Variants in NRF1 observed in about 807,000 individuals in gnomAD.
NRF1 encodes nuclear respiratory factor 1, also known as alpha palindromic-binding protein.
Under a neutral mutation model 58.5 loss-of-function variants are expected in NRF1, and 5 were observed. The observed-to-expected ratio is 0.09, with a 90% CI of 0.04 to 0.18. The LOEUF is 0.18. Among genes scored for constraint, NRF1 ranks in the 10% least tolerant of loss-of-function variants. The probability of loss-of-function intolerance (pLI) is 1.00; values close to 1 mark genes in which losing one functional copy is unlikely to be tolerated. For synonymous variants in NRF1, 224 were observed against 246.7 expected (o/e 0.91, Z 0.86); for missense variants, 288 against 657.7 (o/e 0.44, Z 6.15).
At chr7:129,700,622 A>G (rs114926569) in intron 5 of NRF1, among the ~76,000 whole-genome samples, 1,847 of 152,354 alleles carry the variant, frequency 0.012, 44 homozygotes, top group African/African-American at 0.042. Context: ...AATGAAATTA[A>G]GAGAATATAT....
chr7:129,691,305 A>C (rs984584626), intron 5 of NRF1, among the ~76,000 whole-genome samples: 5 of 151,690 alleles, frequency 3.3e-5, no homozygotes, highest in Non-Finnish European at 7.4e-5. Context: ...AGCTTCATCA[A>C]AATCAAACAC....
chr7:129,621,427 A>G (rs985420528), intron 1 of NRF1, among the ~76,000 whole-genome samples: 1 of 152,250 alleles, frequency 6.6e-6, no homozygotes, highest in African/African-American at 2.4e-5. Flanking sequence ...CTTTACATTC[A>G]GTAAATCTCC....
chr7:129,710,754 C>G (rs1803054138), intron 7 of NRF1, among the ~76,000 whole-genome samples, 183 bp downstream of exon 7: 1 of 152,132 alleles, frequency 6.6e-6, no homozygotes, highest in Non-Finnish European at 1.5e-5. Flanking sequence ...TTGCTAAATA[C>G]AGAGCTATGA....
intron 1 of NRF1, among the ~76,000 whole-genome samples, chr7:129,619,169 G>A (rs1397611498): frequency 6.6e-6 from 1 of 151,590 alleles, no homozygotes; most frequent in Non-Finnish European, 1.5e-5. Context: ...AGAAAGAATG[G>A]CTAAACAGAT....
At chr7:129,637,243 G>C (rs1384515369) in intron 1 of NRF1, among the ~76,000 whole-genome samples, 1 of 147,846 alleles carries the variant, frequency 6.8e-6, no homozygotes, top group African/African-American at 2.5e-5. Context: ...TTAAAGAAAA[G>C]GCTCTGCTGA....
intron 10 of NRF1, among the ~76,000 whole-genome samples, chr7:129,752,898 C>T (rs1804155454): frequency 6.6e-6 from 1 of 152,134 alleles, no homozygotes; most frequent in East Asian, 1.9e-4. Context: ...TGGCCTCTCT[C>T]CTCCTCCTTT....
intron 2 of NRF1, among the ~76,000 whole-genome samples, chr7:129,667,125 G>A (rs1322196847): frequency 1.3e-5 from 2 of 152,168 alleles, no homozygotes; most frequent in Admixed American, 6.5e-5. Flanking sequence ...GGGAATTGGA[G>A]GGCCAAAGAT....
intron 3 of NRF1, among the ~76,000 whole-genome samples, chr7:129,672,921 G>A (rs184009008): frequency 5.1e-4 from 77 of 152,278 alleles, no homozygotes; most frequent in Admixed American, 1.8e-3. Flanking sequence ...ACTGGATGAG[G>A]TCACTTAGGG....
intron 5 of NRF1, among the ~76,000 whole-genome samples, chr7:129,690,812 A>G (rs1802549214): frequency 6.6e-6 from 1 of 152,146 alleles, no homozygotes; most frequent in Non-Finnish European, 1.5e-5. Context: ...GGATTTAAAA[A>G]AAAACAAAAA....
chr7:129,740,291 A>G (rs1013874034), intron 10 of NRF1, among the ~76,000 whole-genome samples: 7 of 152,176 alleles, frequency 4.6e-5, no homozygotes, highest in African/African-American at 9.7e-5. Flanking sequence ...ACTGTTGACT[A>G]CCACTGCTAC....
chr7:129,730,937 A>G (rs1803562757), intron 10 of NRF1, among the ~76,000 whole-genome samples: 1 of 150,962 alleles, frequency 6.6e-6, no homozygotes, highest in African/African-American at 2.4e-5. Flanking sequence ...TGATCACACC[A>G]CTGCACTCCA....
intron 1 of NRF1, among the ~76,000 whole-genome samples, chr7:129,655,227 G>A (rs1023005943): frequency 1.3e-5 from 2 of 151,854 alleles, no homozygotes; most frequent in African/African-American, 4.8e-5. Context: ...AAATGTAAAT[G>A]GTATTGTGTT....
chr7:129,652,986 A>G (rs576459233), intron 1 of NRF1, among the ~76,000 whole-genome samples: 27 of 152,342 alleles, frequency 1.8e-4, no homozygotes, highest in South Asian at 1.0e-3. Flanking sequence ...ATTTACCATC[A>G]TAATCATTTT....
intron 1 of NRF1, among the ~76,000 whole-genome samples, chr7:129,617,871 C>G (rs1800689103): frequency 6.6e-6 from 1 of 152,090 alleles, no homozygotes; most frequent in East Asian, 1.9e-4. Flanking sequence ...CATCAGTAGT[C>G]TGATTTGAGA....
intron 2 of NRF1, among the ~76,000 whole-genome samples, chr7:129,659,228 G>A (rs188279542): frequency 2.4e-4 from 37 of 151,992 alleles, no homozygotes; most frequent in African/African-American, 8.0e-4. Context: ...ACAGGTGTGC[G>A]TCACCATGCC....
intron 10 of NRF1, among the ~76,000 whole-genome samples, chr7:129,737,165 C>T (rs920663579): frequency 3.7e-4 from 56 of 152,168 alleles, no homozygotes; most frequent in African/African-American, 1.3e-3. Context: ...AAGACGGATC[C>T]GAATGCTTGC....
chr7:129,667,901 T>G (rs1182464455), intron 2 of NRF1, among the ~76,000 whole-genome samples: 5 of 151,998 alleles, frequency 3.3e-5, no homozygotes, highest in African/African-American at 1.2e-4. Flanking sequence ...CCCAAGTAGC[T>G]GGGACCTCAG....
intron 1 of NRF1, among the ~76,000 whole-genome samples, chr7:129,633,185 A>T (rs1473962563): frequency 2.6e-5 from 4 of 152,222 alleles, no homozygotes; most frequent in Non-Finnish European, 5.9e-5. Context: ...GTATTACTGA[A>T]CATGCTTTTA....
intron 9 of NRF1, among the ~76,000 whole-genome samples, chr7:129,721,933 G>A (rs897018676): frequency 6.6e-6 from 1 of 152,162 alleles, no homozygotes; most frequent in Admixed American, 6.5e-5. Flanking sequence ...GTCAGGGATG[G>A]TACAACTGCT....
Sources: gnomAD v4.1 joint callset for allele counts (sites outside exome capture counted in the v4.1 genomes callset) on GRCh38, gnomAD v4.1.1 for gene constraint, MANE v1.5 for transcripts, NCBI Gene and HGNC (gene_info 2026-07-23, HGNC 2026-07-21) for gene names.